Variants in DSC3 observed in about 807,000 individuals in gnomAD.
The protein encoded by DSC3 is desmocollin-3.
DSC3 carries 97 observed loss-of-function variants against 89.5 expected under a neutral mutation model. The observed-to-expected ratio is 1.08, with a 90% confidence interval of 0.92 to 1.28. DSC3 has a LOEUF of 1.28. DSC3 is among the 50% of genes most tolerant of loss of function. DSC3 has a pLI of 0.00. For missense variants in DSC3, 1,199 were observed against 1,085.3 expected (o/e 1.10, Z -1.47); for synonymous variants, 436 against 384.1 (o/e 1.14, Z -1.58).
At chr18:31,013,565 C>T (rs1985139747) in intron 9 of DSC3, among the ~76,000 whole-genome samples, 1 of 152,054 alleles carries the variant, frequency 6.6e-6, no homozygotes, top group Non-Finnish European at 1.5e-5. Flanking sequence ...TTCCGTAAAA[C>T]TCTTATAAAT....
intron 9 of DSC3, among the ~76,000 whole-genome samples, chr18:31,012,165 A>G (rs1985092540): frequency 6.6e-6 from 1 of 152,142 alleles, no homozygotes; most frequent in East Asian, 1.9e-4. Flanking sequence ...AAATTTTATT[A>G]ATCAAAATGT....
chr18:31,013,426 CA>C (rs1424794631), intron 9 of DSC3, among the ~76,000 whole-genome samples: 1 of 151,990 alleles, frequency 6.6e-6, no homozygotes, highest in African/African-American at 2.4e-5. Context: ...ATCTCACAAC[CA>C]CAGAAGCCTC....
At chr18:31,013,729 A>T (rs1985144921) in intron 9 of DSC3, among the ~76,000 whole-genome samples, 1 of 152,222 alleles carries the variant, frequency 6.6e-6, no homozygotes. Flanking sequence ...TCAACCGATA[A>T]ATATCAAAAC....
At chr18:31,009,847 G>C (rs1007525471) in intron 9 of DSC3, among the ~76,000 whole-genome samples, 1 of 152,208 alleles carries the variant, frequency 6.6e-6, no homozygotes, top group African/African-American at 2.4e-5. Flanking sequence ...TCTGACCTGA[G>C]TCCATTTCCT....
At chr18:31,031,664 G>C (rs574893816) in intron 2 of DSC3, among the ~76,000 whole-genome samples, 1 of 152,124 alleles carries the variant, frequency 6.6e-6, no homozygotes, top group Non-Finnish European at 1.5e-5. Flanking sequence ...CTTCCCACTG[G>C]CACTTTTCTG....
Position 31,009,363 on chromosome 18 carries a change from GT to G in DSC3, c.1264-839del, listed in dbSNP as rs113380276. ...CCACCATGCCCGGCCCCAAATGTGT[GT>G]TTTAATTGCCCTCTAAGGCATCTAA... On this transcript the variant is annotated intron_variant, in intron 9 of 15. Transcript: ENST00000360428. 1.2e-4 allele frequency among the ~76,000 whole-genome samples: 18 copies of G among 152,130 alleles called. 1 individual carries two copies. The highest frequency in any genetic ancestry group is 4.3e-4 in the African/African-American group (18 of 41,534).
intron 1 of DSC3, among the ~76,000 whole-genome samples, chr18:31,036,790 CT>C (rs1355997679): frequency 3.9e-5 from 3 of 76,658 alleles, no homozygotes; most frequent in African/African-American, 1.0e-4. Flanking sequence ...TTTTTGCTTT[CT>C]TTCTTCCTTT....
chr18:31,015,831 T>TG (rs1300816312), intron 9 of DSC3, among the ~76,000 whole-genome samples: 1 of 152,022 alleles, frequency 6.6e-6, no homozygotes, highest in Non-Finnish European at 1.5e-5. Context: ...CAAGGCTTGG[T>TG]GGGGGTGAGG....
At chr18:31,006,565 G>T (rs1344612889) in intron 12 of DSC3, among the ~76,000 whole-genome samples, 1 of 152,092 alleles carries the variant, frequency 6.6e-6, no homozygotes, top group African/African-American at 2.4e-5. Flanking sequence ...CTCCCAAAGT[G>T]CTGGGATTAC....
intron 9 of DSC3, among the ~76,000 whole-genome samples, chr18:31,010,008 A>G (rs1437276600): frequency 6.6e-6 from 1 of 152,266 alleles, no homozygotes; most frequent in East Asian, 1.9e-4. Flanking sequence ...TGTACTATAA[A>G]GTTGAAGCAC....
intron 4 of DSC3, among the ~76,000 whole-genome samples, chr18:31,028,852 T>G (rs1408133141): frequency 6.6e-6 from 1 of 152,138 alleles, no homozygotes; most frequent in African/African-American, 2.4e-5. Flanking sequence ...TCCATAGTGG[T>G]TTGACCCCTA....
intron 9 of DSC3, among the ~76,000 whole-genome samples, chr18:31,010,629 T>TA (rs977768065): frequency 6.6e-6 from 1 of 152,130 alleles, no homozygotes; most frequent in Non-Finnish European, 1.5e-5. Flanking sequence ...TTTCGCCACT[T>TA]AAAAAAAGTG....
intron 1 of DSC3, among the ~76,000 whole-genome samples, 179 bp downstream of exon 1, chr18:31,042,413 A>G (rs1248941668): frequency 5.9e-5 from 9 of 152,168 alleles, no homozygotes; most frequent in African/African-American, 2.2e-4. Flanking sequence ...CGACCCGCAA[A>G]CACACGTTTT....
At chr18:31,026,428 G>T (rs973297399) in intron 4 of DSC3, among the ~76,000 whole-genome samples, 1 of 152,048 alleles carries the variant, frequency 6.6e-6, no homozygotes, top group African/African-American at 2.4e-5. Context: ...ATCCTTAAAG[G>T]TAATACTTGC....
At chr18:31,022,827 TGGA>T (rs1452655489) in intron 6 of DSC3, among the ~76,000 whole-genome samples, 2 of 152,332 alleles carry the variant, frequency 1.3e-5, no homozygotes, top group East Asian at 3.9e-4. Context: ...CAAACCTAGA[TGGA>T]GGAATAAACC....
chr18:31,022,283 G>A, intron 7 of DSC3, 53 bp downstream of exon 7: 1 of 1,601,730 alleles, frequency 6.2e-7, no homozygotes, highest in Non-Finnish European at 8.6e-7. Context: ...AATAAATGGG[G>A]GAGGGAAGCT....
intron 4 of DSC3, among the ~76,000 whole-genome samples, chr18:31,029,144 A>G (rs1349455362): frequency 6.6e-6 from 1 of 152,076 alleles, no homozygotes; most frequent in East Asian, 1.9e-4. Flanking sequence ...ATCACTGAAA[A>G]TTGTAATTAT....
At chr18:31,006,703 G>T (rs1984855411) in intron 12 of DSC3, among the ~76,000 whole-genome samples, 2 of 152,106 alleles carry the variant, frequency 1.3e-5, no homozygotes, top group South Asian at 4.1e-4. Flanking sequence ...AAATGTAAAT[G>T]TTGCCTTCAT....
rs1313360589 is a variant in DSC3 at position 30,994,086 on chromosome 18, TATAC to T, written c.*85_*88del. ...TTCAAAATTGAGAAAAAAATCATCA[TATAC>T]ATACATGTTGAAATTGAACTTTACA... is the stretch of plus-strand genomic sequence containing the variant. On this transcript the variant is annotated 3_prime_UTR_variant, in exon 16 of 16. Transcript: ENST00000360428. 4 of 1,252,218 alleles carry T rather than the reference TATAC, an allele frequency of 3.2e-6. No individual in the cohort carries two copies. Among genetic ancestry groups the T allele is most frequent in the Non-Finnish European group, 4.6e-6 (4 of 863,448 alleles). 77.6% of individuals were successfully genotyped at this position (1,252,218 alleles called of 1,614,324 possible).
Sources: allele counts gnomAD v4.1 joint callset (sites outside exome capture counted in the v4.1 genomes callset), GRCh38; gene constraint gnomAD v4.1.1; transcripts MANE v1.5; gene names NCBI Gene and HGNC (gene_info 2026-07-23, HGNC 2026-07-21).